The following SATB2 variants were observed in gnomAD, a reference collection of about 807,000 sequenced individuals.
SATB2 encodes the protein SATB homeobox 2.
A neutral mutation model predicts 73.4 loss-of-function variants in SATB2; 1 was observed. That is an observed-to-expected ratio of 0.01 (90% CI 0.00 to 0.06). SATB2 has a LOEUF of 0.06. Ranked by LOEUF, SATB2 falls within the 10% of genes least tolerant of loss-of-function variation. SATB2 has a pLI of 1.00. For missense variants in SATB2, 459 were observed against 945.8 expected (o/e 0.49, Z 6.75); for synonymous variants, 397 against 367.0 (o/e 1.08, Z -0.93).
chr2:199,385,512 C>T (rs1030645074), intron 3 of SATB2, among the ~76,000 whole-genome samples: 4 of 152,238 alleles, frequency 2.6e-5, no homozygotes, highest in African/African-American at 9.6e-5. Flanking sequence ...TCTGCACCAC[C>T]AAATCTAGTA....
At chr2:199,383,458 C>T (rs1689837003) in intron 3 of SATB2, among the ~76,000 whole-genome samples, 1 of 152,120 alleles carries the variant, frequency 6.6e-6, no homozygotes, top group South Asian at 2.1e-4. Context: ...TGTAACATGT[C>T]TAACATATTT....
intron 3 of SATB2, among the ~76,000 whole-genome samples, chr2:199,395,091 T>C (rs1690258693): frequency 6.6e-6 from 1 of 152,156 alleles, no homozygotes; most frequent in African/African-American, 2.4e-5. Context: ...TAATTTTCTT[T>C]TTTTTTTTGA....
At chr2:199,377,003 C>T (rs532061283) in intron 5 of SATB2, among the ~76,000 whole-genome samples, 1 of 152,178 alleles carries the variant, frequency 6.6e-6, no homozygotes, top group East Asian at 1.9e-4. Context: ...GGTACATCTC[C>T]CTAAAGAACC....
chr2:199,420,931 T>C (rs1012373715), intron 3 of SATB2, among the ~76,000 whole-genome samples: 3 of 152,192 alleles, frequency 2.0e-5, no homozygotes, highest in African/African-American at 4.8e-5. Flanking sequence ...TTTTAATAGA[T>C]AATTTGAGTT....
intron 10 of SATB2, among the ~76,000 whole-genome samples, chr2:199,305,949 TAAC>T (rs148162624): frequency 0.091 from 13,793 of 152,182 alleles, 965 homozygotes; most frequent in South Asian, 0.32. Flanking sequence ...TACCCATAGT[TAAC>T]AATTTAATAA....
chr2:199,284,795 A>G (rs985302364), intron 10 of SATB2, among the ~76,000 whole-genome samples: 2 of 152,136 alleles, frequency 1.3e-5, no homozygotes, highest in Non-Finnish European at 2.9e-5. Flanking sequence ...GAAAAAAAAA[A>G]GAATGGTTAT....
At chr2:199,342,580 A>G (rs1055578317) in intron 7 of SATB2, among the ~76,000 whole-genome samples, 1 of 152,140 alleles carries the variant, frequency 6.6e-6, no homozygotes, top group African/African-American at 2.4e-5. Flanking sequence ...GAGATCCCAT[A>G]TCCTGGCATT....
intron 9 of SATB2, among the ~76,000 whole-genome samples, chr2:199,311,546 G>A (rs191384950): frequency 3.9e-5 from 6 of 152,184 alleles, no homozygotes; most frequent in Admixed American, 1.3e-4. Context: ...GCACAAAATC[G>A]GAAGGTGATC....
intron 3 of SATB2, among the ~76,000 whole-genome samples, chr2:199,386,423 A>G (rs1689934263): frequency 6.6e-6 from 1 of 152,226 alleles, no homozygotes; most frequent in Admixed American, 6.5e-5. Context: ...ATGTCTAGTT[A>G]CAATTACAAC....
intron 6 of SATB2, among the ~76,000 whole-genome samples, chr2:199,351,877 G>A (rs570165041): frequency 3.1e-4 from 47 of 152,070 alleles, no homozygotes; most frequent in African/African-American, 1.1e-3. Context: ...TTTTTGGTGG[G>A]GGGAGGGGCT....
intron 7 of SATB2, 60 bp from the exon 8 acceptor site, chr2:199,328,970 T>A (rs1351265010): frequency 1.7e-5 from 22 of 1,330,690 alleles, no homozygotes; most frequent in Non-Finnish European, 2.3e-5. Context: ...GTGTGTGGTT[T>A]CTGTCTTCCA....
At chr2:199,440,542 T>A (rs1423295287) in intron 2 of SATB2, among the ~76,000 whole-genome samples, 1 of 152,144 alleles carries the variant, frequency 6.6e-6, no homozygotes, top group Non-Finnish European at 1.5e-5. Flanking sequence ...TTCACCAATT[T>A]TAAAGGAGAG....
intron 2 of SATB2, among the ~76,000 whole-genome samples, chr2:199,448,703 T>C (rs1035790220): frequency 6.6e-6 from 1 of 152,156 alleles, no homozygotes; most frequent in Non-Finnish European, 1.5e-5. Flanking sequence ...CTGTGCACAT[T>C]TCAGTAACTG....
intron 6 of SATB2, among the ~76,000 whole-genome samples, chr2:199,363,422 TTA>T (rs1473675767): frequency 7.9e-5 from 12 of 152,198 alleles, no homozygotes; most frequent in Non-Finnish European, 1.8e-4. Flanking sequence ...ACGTTCTCAC[TTA>T]TATGTGGAAT....
At chr2:199,345,031 C>T (rs746462180) in intron 7 of SATB2, among the ~76,000 whole-genome samples, 1 of 152,110 alleles carries the variant, frequency 6.6e-6, no homozygotes, top group African/African-American at 2.4e-5. Context: ...AAACTCTCCA[C>T]GCATGTCCTC....
At chr2:199,384,950 T>G (rs1227147577) in intron 3 of SATB2, among the ~76,000 whole-genome samples, 5 of 152,220 alleles carry the variant, frequency 3.3e-5, no homozygotes, top group Admixed American at 6.5e-5. Context: ...TTTTGATGAT[T>G]ATATTAGCTT....
At chr2:199,291,327 C>G (rs914269324) in intron 10 of SATB2, among the ~76,000 whole-genome samples, 6 of 152,110 alleles carry the variant, frequency 3.9e-5, no homozygotes, top group African/African-American at 1.4e-4. Context: ...TGCCTGTCTT[C>G]GTAGCTTACT....
In SATB2 at chr2:199,331,765, G is replaced by GA. The variant is rs1030687356; in HGVS notation, c.1174-2856dup. On this transcript the variant is annotated intron_variant, in intron 7 of 10. Transcript: ENST00000417098. ...TCGTTAGTTGAAAATCATCAGAGGAGAAAAAAATCAGAAGAAAATAGACAG... is the reference window on the plus strand; with the variant it reads ...TCGTTAGTTGAAAATCATCAGAGGAGAAAAAAAATCAGAAGAAAATAGACAG... 2.0e-4 allele frequency among the ~76,000 whole-genome samples: 30 copies of GA among 152,028 alleles called. No individual in the cohort carries two copies. The East Asian group carries it at 2.7e-3, about 14-fold the overall frequency.
At chr2:199,325,821 A>T (rs1688013406) in intron 8 of SATB2, among the ~76,000 whole-genome samples, 1 of 152,200 alleles carries the variant, frequency 6.6e-6, no homozygotes, top group Non-Finnish European at 1.5e-5. Context: ...AACTGAATTC[A>T]TGCAAAATGT....
Sources: gnomAD v4.1 joint callset for allele counts (sites outside exome capture counted in the v4.1 genomes callset) on GRCh38, gnomAD v4.1.1 for gene constraint, MANE v1.5 for transcripts, NCBI Gene and HGNC (gene_info 2026-07-23, HGNC 2026-07-21) for gene names.